EYS: variants seen among roughly 807,000 people sequenced by gnomAD.
EYS encodes EGF-like photoreceptor maintenance factor, also known as protein eyes shut homolog.
Under a neutral mutation model 282.1 loss-of-function variants are expected in EYS, and 250 were observed. The observed-to-expected ratio is 0.89, with a 90% CI of 0.80 to 0.98. The LOEUF is 0.98. EYS is among the 50% of genes least tolerant of loss of function. EYS has a pLI of 0.00. For missense variants in EYS, 4,016 were observed against 3,709.0 expected (o/e 1.08, Z -2.15); for synonymous variants, 1,355 against 1,282.9 (o/e 1.06, Z -1.20).
intron 12 of EYS, among the ~76,000 whole-genome samples, chr6:65,112,933 A>G (rs563154475): frequency 1.3e-5 from 2 of 152,254 alleles, no homozygotes; most frequent in South Asian, 4.1e-4. Context: ...AAATATAATC[A>G]TTATACCATT....
At chr6:63,841,859 G>C (rs964253109) in intron 36 of EYS, among the ~76,000 whole-genome samples, 1 of 152,134 alleles carries the variant, frequency 6.6e-6, no homozygotes, top group Non-Finnish European at 1.5e-5. Flanking sequence ...AACATGCGGG[G>C]TTTGGTTTTC....
chr6:65,416,689 G>A (rs1178111000), intron 5 of EYS, among the ~76,000 whole-genome samples: 3 of 151,828 alleles, frequency 2.0e-5, no homozygotes, highest in African/African-American at 4.8e-5. Flanking sequence ...AAAAATTTCC[G>A]AAGCAATTCT....
intron 22 of EYS, among the ~76,000 whole-genome samples, chr6:64,749,476 T>A (rs1296517820): frequency 6.6e-6 from 1 of 152,174 alleles, no homozygotes; most frequent in East Asian, 1.9e-4. Flanking sequence ...GGTTAATTAC[T>A]TACATTTGAA....
At chr6:64,004,195 T>C (rs1345703000) in intron 33 of EYS, among the ~76,000 whole-genome samples, 2 of 152,128 alleles carry the variant, frequency 1.3e-5, no homozygotes, top group African/African-American at 2.4e-5. Context: ...TTAGGTATCA[T>C]TTTTTTCTTC....
intron 31 of EYS, among the ~76,000 whole-genome samples, chr6:64,214,933 G>A (rs554468334): frequency 1.3e-5 from 2 of 152,026 alleles, no homozygotes; most frequent in Non-Finnish European, 2.9e-5. Context: ...ATCTGATTGA[G>A]ATAATAAGTA....
intron 12 of EYS, among the ~76,000 whole-genome samples, chr6:65,116,006 T>TATCTATCTATC (rs1775364582): frequency 6.6e-6 from 1 of 152,028 alleles, no homozygotes; most frequent in African/African-American, 2.4e-5. Context: ...TCTATCTATC[T>TATCTATCTATC]ATCTATCTGT....
At chr6:64,864,458 T>C (rs1274452319) in intron 19 of EYS, among the ~76,000 whole-genome samples, 16 of 142,762 alleles carry the variant, frequency 1.1e-4, no homozygotes, top group African/African-American at 4.1e-4. Context: ...CAATCTCGGC[T>C]CACTGCAACC....
chr6:64,913,409 T>A (rs1768061894), intron 15 of EYS, among the ~76,000 whole-genome samples: 1 of 152,080 alleles, frequency 6.6e-6, no homozygotes, highest in South Asian at 2.1e-4. Flanking sequence ...CCTTTCTCCT[T>A]CCCTGCTCAC....
At chr6:65,289,507 T>C (rs2150281811) in intron 12 of EYS, among the ~76,000 whole-genome samples, 1 of 151,296 alleles carries the variant, frequency 6.6e-6, no homozygotes, top group South Asian at 2.1e-4. Flanking sequence ...ATCAAAATAC[T>C]GCTTTCGGAA....
chr6:64,092,960 C>A (rs1437727313), intron 31 of EYS, among the ~76,000 whole-genome samples: 3 of 150,538 alleles, frequency 2.0e-5, no homozygotes, highest in African/African-American at 7.3e-5. Context: ...CCAGTTTCAG[C>A]TTTCTACATA....
rs989347263 is a variant in EYS, at chr6:64,607,396, C to T, written c.3684+10022G>A. 2.0e-5 allele frequency among the ~76,000 whole-genome samples: 3 copies of T among 151,956 alleles called. No homozygotes were observed. The East Asian group carries it at 5.8e-4, about 29-fold the overall frequency. On this transcript the variant is annotated intron_variant, in intron 24 of 42. Coordinates refer to ENST00000503581, the MANE Select transcript of EYS (RefSeq NM_001142800.2). ...ACTTATAAATAACAGAAATTTATTTCTCATAGATCAGGAGGCTGGGAAGTA... is the reference window on the plus strand; with the variant it reads ...ACTTATAAATAACAGAAATTTATTTTTCATAGATCAGGAGGCTGGGAAGTA...
intron 12 of EYS, among the ~76,000 whole-genome samples, chr6:65,089,327 C>A (rs1467838963): frequency 6.6e-6 from 1 of 152,168 alleles, no homozygotes; most frequent in East Asian, 1.9e-4. Context: ...TGCAAAGCCA[C>A]AGAAGTGGAG....
intron 11 of EYS, chr6:65,300,730 ACT>A (rs1172790314): frequency 1.3e-5 from 2 of 151,924 alleles, no homozygotes; most frequent in African/African-American, 4.8e-5. Flanking sequence ...TTGTTTAAGA[ACT>A]CTCTAATTCT....
chr6:64,353,590 T>C (rs189882107), intron 29 of EYS, among the ~76,000 whole-genome samples: 1 of 151,762 alleles, frequency 6.6e-6, no homozygotes, highest in East Asian at 2.0e-4. Flanking sequence ...AATTTATCCT[T>C]ATGGATAAAG....
intron 12 of EYS, among the ~76,000 whole-genome samples, chr6:65,174,836 A>G (rs1205733970): frequency 1.3e-5 from 2 of 151,384 alleles, no homozygotes; most frequent in African/African-American, 4.8e-5. Context: ...TACATATCAC[A>G]TTTAACTCAT....
At chr6:64,377,450 T>C (rs924725403) in intron 29 of EYS, among the ~76,000 whole-genome samples, 4 of 152,174 alleles carry the variant, frequency 2.6e-5, no homozygotes, top group African/African-American at 9.6e-5. Flanking sequence ...AGTGTGGGTT[T>C]GAATTTTGGC....
At chr6:65,253,750 T>G (rs189957534) in intron 12 of EYS, among the ~76,000 whole-genome samples, 1 of 151,974 alleles carries the variant, frequency 6.6e-6, no homozygotes, top group Admixed American at 6.6e-5. Context: ...AATAGAAAGT[T>G]AAAGTTAATA....
chr6:64,676,316 C>CTATATATATATATATCCAATATATCTA (rs199984162), intron 22 of EYS, among the ~76,000 whole-genome samples: 3 of 119,054 alleles, frequency 2.5e-5, no homozygotes, highest in Admixed American at 1.8e-4. Flanking sequence ...TCCAATATAT[C>CTATATATATATATATCCAATATATCTA]TATATATATA....
At chr6:64,066,287 G>A (rs765945792) in intron 33 of EYS, 51 bp downstream of exon 33, 9 of 1,495,600 alleles carry the variant, frequency 6.0e-6, no homozygotes, top group African/African-American at 5.7e-5. Context: ...CAAAACAAAC[G>A]AACAAACAAA....
Sources: gnomAD v4.1 joint callset for allele counts (sites outside exome capture counted in the v4.1 genomes callset) on GRCh38, gnomAD v4.1.1 for gene constraint, MANE v1.5 for transcripts, NCBI Gene and HGNC (gene_info 2026-07-23, HGNC 2026-07-21) for gene names.